The following MDGA2 variants were observed in gnomAD, a reference collection of about 807,000 sequenced individuals.
MDGA2 encodes the protein MAM domain-containing glycosylphosphatidylinositol anchor protein 2.
Under a neutral mutation model 117.8 loss-of-function variants are expected in MDGA2, and 40 were observed. The ratio of observed to expected loss-of-function variants is 0.34; its 90% CI spans 0.26 to 0.44. The LOEUF is 0.44. Among genes scored for constraint, MDGA2 ranks in the 20% least tolerant of loss-of-function variants. The pLI, the probability that MDGA2 is intolerant of heterozygous loss-of-function variation, is 1.00. For synonymous variants in MDGA2, 452 were observed against 439.0 expected (o/e 1.03, Z -0.37); for missense variants, 1,123 against 1,250.6 (o/e 0.90, Z 1.54).
intron 7 of MDGA2, among the ~76,000 whole-genome samples, chr14:47,038,922 C>T (rs904700175): frequency 1.3e-5 from 2 of 151,352 alleles, no homozygotes; most frequent in African/African-American, 4.9e-5. Flanking sequence ...TGCACTCCAG[C>T]CTGGGCAACG....
intron 5 of MDGA2, among the ~76,000 whole-genome samples, chr14:47,102,648 C>G (rs975099133): frequency 6.6e-6 from 1 of 152,090 alleles, no homozygotes; most frequent in Admixed American, 6.5e-5. Context: ...CTGCTAGGAA[C>G]CCTCTGAGAG....
At chr14:47,561,171 G>GTTTTTTTTTTTTTTTTTTTTTTTTTTT (rs1594918273) in intron 1 of MDGA2, among the ~76,000 whole-genome samples, 37 of 68,430 alleles carry the variant, frequency 5.4e-4, no homozygotes, top group Middle Eastern at 6.0e-3. Flanking sequence ...TTGTTTTTTT[G>GTTTTTTTTTTTTTTTTTTTTTTTTTTT]TTTGTTTGTT....
chr14:47,664,375 G>A (rs770340134), intron 1 of MDGA2, among the ~76,000 whole-genome samples: 1 of 152,156 alleles, frequency 6.6e-6, no homozygotes, highest in Non-Finnish European at 1.5e-5. Context: ...TCAACTGCTA[G>A]AGCATCTAAG....
At chr14:46,925,115 A>G (rs541497145) in intron 9 of MDGA2, among the ~76,000 whole-genome samples, 1 of 152,166 alleles carries the variant, frequency 6.6e-6, no homozygotes, top group African/African-American at 2.4e-5. Flanking sequence ...TTACCATAAA[A>G]TTTTTTTGAC....
intron 14 of MDGA2, among the ~76,000 whole-genome samples, chr14:46,859,962 T>C (rs898359992): frequency 6.6e-6 from 1 of 152,140 alleles, no homozygotes; most frequent in Non-Finnish European, 1.5e-5. Context: ...TTGGTGTATG[T>C]TGCTTTAGCC....
chr14:47,300,794 T>C (rs921525359), intron 2 of MDGA2, among the ~76,000 whole-genome samples: 1 of 152,108 alleles, frequency 6.6e-6, no homozygotes, highest in African/African-American at 2.4e-5. Flanking sequence ...CCACCACACC[T>C]GGGCTTTGCC....
intron 1 of MDGA2, among the ~76,000 whole-genome samples, chr14:47,583,122 G>T (rs1407699956): frequency 2.0e-5 from 3 of 151,908 alleles, no homozygotes; most frequent in Non-Finnish European, 2.9e-5. Context: ...AGAGAGATAA[G>T]TAAGCCAGAC....
At chr14:47,394,259 A>T (rs1891958738) in intron 1 of MDGA2, among the ~76,000 whole-genome samples, 1 of 152,154 alleles carries the variant, frequency 6.6e-6, no homozygotes, top group South Asian at 2.1e-4. Context: ...AAAATAAAAG[A>T]ACTAAGCCAC....
intron 1 of MDGA2, among the ~76,000 whole-genome samples, chr14:47,605,041 G>C (rs1451872873): frequency 6.6e-6 from 1 of 151,598 alleles, no homozygotes; most frequent in East Asian, 1.9e-4. Flanking sequence ...ATGCATAACT[G>C]AAAGACTCCA....
intron 9 of MDGA2, among the ~76,000 whole-genome samples, chr14:46,939,697 T>C (rs1323256156): frequency 6.6e-6 from 1 of 152,196 alleles, no homozygotes; most frequent in African/African-American, 2.4e-5. Context: ...ATACATATGT[T>C]TTTTAATATT....
In MDGA2 at chr14:47,506,023, T is replaced by C. The variant is rs536334976; in HGVS notation, c.280+168494A>G. On this transcript the variant is annotated intron_variant, in intron 1 of 16. Transcript: ENST00000399232. The stretch of plus-strand genomic sequence containing the variant: ...AAAAGTTTGTAGGAGAGATAAGACA[T>C]GCACATAAATAACTACTAAAATACA... Among the ~76,000 whole-genome samples, 246 of 152,258 alleles carry C rather than the reference T, an allele frequency of 1.6e-3. 1 individual carries two copies. Among genetic ancestry groups the C allele is most frequent in the African/African-American group, 5.8e-3 (239 of 41,556 alleles).
At chr14:47,020,466 A>C (rs1888247910) in intron 8 of MDGA2, among the ~76,000 whole-genome samples, 1 of 152,198 alleles carries the variant, frequency 6.6e-6, no homozygotes, top group South Asian at 2.1e-4. Flanking sequence ...AACCAATCTG[A>C]TTGTTTAAAA....
intron 3 of MDGA2, among the ~76,000 whole-genome samples, chr14:47,173,008 G>A (rs1300043233): frequency 1.5e-4 from 23 of 152,174 alleles, no homozygotes; most frequent in Admixed American, 1.5e-3. Context: ...GAATGCAGAA[G>A]CCCCAGGAGC....
chr14:47,479,728 T>C (rs1893913575), intron 1 of MDGA2, among the ~76,000 whole-genome samples: 1 of 152,086 alleles, frequency 6.6e-6, no homozygotes, highest in Non-Finnish European at 1.5e-5. Context: ...TTGGTAATCA[T>C]TCAATATCTG....
intron 1 of MDGA2, among the ~76,000 whole-genome samples, chr14:47,645,104 G>C (rs1232548275): frequency 6.6e-6 from 1 of 152,130 alleles, no homozygotes; most frequent in East Asian, 1.9e-4. Flanking sequence ...TCAGATTTCT[G>C]ACTTCTAGAA....
At chr14:47,088,617 C>T (rs1174665439) in intron 6 of MDGA2, among the ~76,000 whole-genome samples, 1 of 152,128 alleles carries the variant, frequency 6.6e-6, no homozygotes, top group African/African-American at 2.4e-5. Flanking sequence ...TATATTTGAT[C>T]AAATCATTCT....
Position 47,097,064 on chromosome 14 carries a change from T to C in MDGA2, c.985A>G (p.Ile329Val), listed in dbSNP as rs965941239. The change falls in exon 6 of 17, where the codon ATA becomes GTA. Residue 329 changes from isoleucine (I) to valine (V), a missense_variant. Transcript: ENST00000399232. ...CCTGTTGTAACACATACTAATGTTA[T>C]GGCCTCTCCAGGATTTACAACTATA... is the stretch of plus-strand genomic sequence containing the variant. ...DPIVVNPGEA[I>V]TLVCVTTGGE... 34 of 1,613,176 alleles carry C rather than the reference T, an allele frequency of 2.1e-5. No individual in the cohort carries two copies. In the African/African-American group the frequency reaches 2.8e-4, roughly 13 times the overall value.
At chr14:47,125,881 T>G (rs575654917) in intron 5 of MDGA2, among the ~76,000 whole-genome samples, 3 of 152,156 alleles carry the variant, frequency 2.0e-5, no homozygotes, top group East Asian at 3.9e-4. Flanking sequence ...ATAGGTAACC[T>G]ACTTAATTCT....
chr14:46,873,841 T>A, intron 13 of MDGA2: 1 of 569,440 alleles, frequency 1.8e-6, no homozygotes, highest in South Asian at 3.8e-5. Flanking sequence ...AAAATTCCTA[T>A]TCTCTCTACT....
Sources: allele counts gnomAD v4.1 joint callset (sites outside exome capture counted in the v4.1 genomes callset), GRCh38; gene constraint gnomAD v4.1.1; transcripts MANE v1.5; gene names NCBI Gene and HGNC (gene_info 2026-07-23, HGNC 2026-07-21).